The following TRPM8 variants were observed in gnomAD, a reference collection of about 807,000 sequenced individuals.
TRPM8 encodes the protein transient receptor potential cation channel subfamily M member 8.
Under a neutral mutation model 133.7 loss-of-function variants are expected in TRPM8, and 110 were observed. The ratio of observed to expected loss-of-function variants is 0.82; its 90% confidence interval spans 0.70 to 0.96. TRPM8 has a LOEUF of 0.96. TRPM8 is among the 40% of genes least tolerant of loss of function. TRPM8 has a pLI of 0.00. For synonymous variants in TRPM8, 535 were observed against 532.3 expected (o/e 1.01, Z -0.07); for missense variants, 1,291 against 1,379.5 (o/e 0.94, Z 1.02).
chr2:233,927,755 T>TTCC (rs1691555576), intron 2 of TRPM8, among the ~76,000 whole-genome samples: 1 of 67,214 alleles, frequency 1.5e-5, no homozygotes, highest in African/African-American at 2.1e-4. Flanking sequence ...TCTTTCTTTC[T>TTCC]TTCTTTCTTT....
intron 9 of TRPM8, among the ~76,000 whole-genome samples, chr2:233,953,414 A>G (rs1691217462): frequency 6.6e-6 from 1 of 152,224 alleles, no homozygotes; most frequent in South Asian, 2.1e-4. Context: ...TTACTTTTTA[A>G]AACGTCTTAA....
chr2:233,979,074 C>G (rs1176477933), intron 17 of TRPM8, among the ~76,000 whole-genome samples: 1 of 152,154 alleles, frequency 6.6e-6, no homozygotes, highest in African/African-American at 2.4e-5. Context: ...CCTCTCTAGG[C>G]TGTGATTTTG....
At chr2:234,003,366 T>G (rs1004484282) in intron 22 of TRPM8, among the ~76,000 whole-genome samples, 7 of 152,252 alleles carry the variant, frequency 4.6e-5, no homozygotes, top group Admixed American at 1.3e-4. Flanking sequence ...TTTGACAATT[T>G]GGATAAGTTG....
chr2:234,005,067 G>A (rs929084290), intron 22 of TRPM8, among the ~76,000 whole-genome samples: 1 of 152,098 alleles, frequency 6.6e-6, no homozygotes, highest in African/African-American at 2.4e-5. Context: ...CTATGCATTC[G>A]TTTCTGAGCA....
At chr2:233,922,782 A>C (rs1691435543) in intron 1 of TRPM8, among the ~76,000 whole-genome samples, 1 of 152,150 alleles carries the variant, frequency 6.6e-6, no homozygotes, top group African/African-American at 2.4e-5. Flanking sequence ...TCTAGTTTAT[A>C]GTGTTGAAGA....
At chr2:234,007,102 T>C (rs1466797365) in intron 23 of TRPM8, 150 bp downstream of exon 23, 1 of 592,184 alleles carries the variant, frequency 1.7e-6, no homozygotes, top group South Asian at 2.1e-5. Context: ...CAATTGAAGA[T>C]GACAAACGCG....
chr2:234,000,966 C>T (rs1490418078), intron 22 of TRPM8, among the ~76,000 whole-genome samples: 2 of 152,240 alleles, frequency 1.3e-5, no homozygotes, highest in Non-Finnish European at 2.9e-5. Context: ...GCGTTAGCTA[C>T]TGTTCTCAGC....
intron 7 of TRPM8, among the ~76,000 whole-genome samples, chr2:233,946,588 C>A (rs772320761): frequency 1.3e-5 from 2 of 152,160 alleles, no homozygotes; most frequent in African/African-American, 2.4e-5. Context: ...TGCTGTGGAA[C>A]AAGATTACCT....
intron 5 of TRPM8, among the ~76,000 whole-genome samples, chr2:233,939,668 A>T (rs190840045): frequency 1.3e-5 from 2 of 152,338 alleles, no homozygotes; most frequent in African/African-American, 4.8e-5. Context: ...TTTATATTTT[A>T]AAAAATTTTG....
In TRPM8 at chr2:233,989,759, G is replaced by A. The variant is rs1010159625; in HGVS notation, c.2939+3894G>A. ...ATGGTATTCAACAGAGAAAGGAAAT[G>A]GATGTGAACATCTGTGATTATTCTA... is the stretch of plus-strand genomic sequence containing the variant. On this transcript the variant is annotated intron_variant, in intron 21 of 25. Coordinates refer to ENST00000324695, the MANE Select transcript of TRPM8 (RefSeq NM_024080.5). The surrounding 1 kb of genome is among the most constrained non-coding windows in gnomAD (Gnocchi z 4.2). Among the ~76,000 whole-genome samples, 2 of 152,190 alleles carry A rather than the reference G, an allele frequency of 1.3e-5. No homozygotes were observed. Among genetic ancestry groups the A allele is most frequent in the Non-Finnish European group, 2.9e-5 (2 of 68,026 alleles).
intron 2 of TRPM8, among the ~76,000 whole-genome samples, chr2:233,927,793 T>C (rs1691569323): frequency 2.1e-5 from 1 of 47,182 alleles, no homozygotes; most frequent in Non-Finnish European, 3.2e-5. Context: ...TTTCTTTCTT[T>C]TCTTTCCTTC....
chr2:233,948,926 C>T (rs1179375321), intron 8 of TRPM8, among the ~76,000 whole-genome samples: 3 of 152,136 alleles, frequency 2.0e-5, no homozygotes, highest in African/African-American at 7.2e-5. Context: ...CCCAACTATT[C>T]AGGAGGCTAA....
At chr2:233,983,620 T>A (rs1692070438) in intron 20 of TRPM8, among the ~76,000 whole-genome samples, 1 of 152,162 alleles carries the variant, frequency 6.6e-6, no homozygotes, top group Non-Finnish European at 1.5e-5. Flanking sequence ...GAACCTGGAA[T>A]TTAGACTTCT....
rs201236165 is a variant in TRPM8 at position 233,996,341 on chromosome 2, C to A, written c.2955C>A (p.Thr985=). ...LVAMFGYTVG[T]VQENNDQVWK... ...CCCTCACCAGCTACACGGTGGGCAC[C>A]GTCCAGGAGAACAATGACCAGGTCT... The change falls in exon 22 of 26, where the codon ACC becomes ACA. Residue 985 remains threonine, a synonymous_variant. Coordinates refer to ENST00000324695, the MANE Select transcript of TRPM8 (RefSeq NM_024080.5). 1.9e-6 allele frequency: 3 copies of A among 1,614,042 alleles called. No homozygotes were observed. The highest frequency in any genetic ancestry group is 8.5e-7 in the Non-Finnish European group (1 of 1,179,966).
At chr2:233,922,081 A>G (rs946139685) in intron 1 of TRPM8, among the ~76,000 whole-genome samples, 38 of 147,770 alleles carry the variant, frequency 2.6e-4, no homozygotes, top group Non-Finnish European at 5.2e-4. Flanking sequence ...AAGAGGTTAC[A>G]GTCGCAAGGG....
At chr2:233,927,704 CTGTCTCTTTCTTTCTTTCTTTCTT>C in intron 2 of TRPM8, among the ~76,000 whole-genome samples, 2 of 150,582 alleles carry the variant, frequency 1.3e-5, no homozygotes, top group African/African-American at 4.9e-5. Context: ...AAGACAGAGT[CTGTCTCTTTCTTTCTTTCTTTCTT>C]TCTTTCTTTC....
At chr2:233,998,638 A>G (rs950133628) in intron 22 of TRPM8, among the ~76,000 whole-genome samples, 67 of 147,112 alleles carry the variant, frequency 4.6e-4, no homozygotes, top group Non-Finnish European at 6.1e-4. Context: ...GTGCCCATCC[A>G]GTTAGGGTGA....
intron 22 of TRPM8, among the ~76,000 whole-genome samples, chr2:233,997,426 C>T (rs1237601092): frequency 6.6e-6 from 1 of 152,200 alleles, no homozygotes; most frequent in Non-Finnish European, 1.5e-5. Context: ...CCTCTCTTTG[C>T]TCCCATTCAC....
At chr2:233,969,062 A>G (rs1691643613) in intron 15 of TRPM8, among the ~76,000 whole-genome samples, 1 of 152,182 alleles carries the variant, frequency 6.6e-6, no homozygotes, top group African/African-American at 2.4e-5. Context: ...CCAGAAAGAT[A>G]CTTGTTTAAA....
Sources: allele counts gnomAD v4.1 joint callset (sites outside exome capture counted in the v4.1 genomes callset), GRCh38; gene constraint gnomAD v4.1.1; non-coding constraint Gnocchi (gnomAD v3.1); transcripts MANE v1.5; gene names NCBI Gene and HGNC (gene_info 2026-07-23, HGNC 2026-07-21).